Variants in PTK2 observed in about 807,000 individuals in gnomAD.
The protein encoded by PTK2 is protein tyrosine kinase 2, also known as focal adhesion kinase 1.
A neutral mutation model predicts 150.1 loss-of-function variants in PTK2; 45 were observed. The observed-to-expected ratio is 0.30, with a 90% CI of 0.24 to 0.38. The LOEUF (loss-of-function observed/expected upper bound fraction) is 0.38, where lower values mean the gene tolerates loss of function less well. Among genes scored for constraint, PTK2 ranks in the 10% least tolerant of loss-of-function variants. The pLI, the probability that PTK2 is intolerant of heterozygous loss-of-function variation, is 1.00. For synonymous variants in PTK2, 432 were observed against 449.2 expected, an observed-to-expected ratio of 0.96 and a Z score of 0.48; for missense variants, 919 against 1,307.3, an observed-to-expected ratio of 0.70 and a Z score of 4.58.
At chr8:140,987,329 C>T (rs929119590) in intron 1 of PTK2, among the ~76,000 whole-genome samples, 2 of 152,070 alleles carry the variant, frequency 1.3e-5, no homozygotes, top group South Asian at 2.1e-4. Context: ...TACAAGCGTC[C>T]GCCACCATGC....
At position 140,891,582 on chromosome 8, in the gene PTK2, T is replaced by C. The variant is rs761352325; in HGVS notation, c.-32-813A>G. Among the ~76,000 whole-genome samples, 8 of 152,172 alleles carry C rather than the reference T, an allele frequency of 5.3e-5. No homozygotes were observed. In the South Asian group the frequency reaches 6.2e-4, roughly 12 times the overall value. On this transcript the variant is annotated intron_variant, in intron 2 of 31. Coordinates refer to ENST00000522684, the Ensembl canonical transcript of PTK2. ...CAGGGCATTTGCCAATTCTGAGCCC[T>C]TCAGAGCCTGAAGAGACAAGAAAAG...
intron 23 of PTK2, among the ~76,000 whole-genome samples, chr8:140,708,996 T>C (rs898773104): frequency 2.6e-5 from 4 of 151,974 alleles, no homozygotes; most frequent in Non-Finnish European, 5.9e-5. Flanking sequence ...TACAATTTAC[T>C]GTGTATTCTG....
chr8:140,914,184 G>A (rs143121849), intron 2 of PTK2, among the ~76,000 whole-genome samples: 2 of 152,028 alleles, frequency 1.3e-5, no homozygotes, highest in Non-Finnish European at 2.9e-5. Context: ...ACGAATCAAT[G>A]ACATTATAAA....
chr8:140,890,296 A>G (rs752030150), intron 3 of PTK2: 65 of 405,600 alleles, frequency 1.6e-4, no homozygotes, highest in Middle Eastern at 1.3e-3. Context: ...GAAGGGAAAA[A>G]TAAGTCAATG....
chr8:140,935,272 G>A (rs1456122344), intron 1 of PTK2, among the ~76,000 whole-genome samples: 2 of 151,974 alleles, frequency 1.3e-5, no homozygotes, highest in Admixed American at 6.6e-5. Flanking sequence ...GAGCTACTGT[G>A]GAAAAGAAAA....
At chr8:140,731,569 CA>C (rs1165687013) in intron 22 of PTK2, among the ~76,000 whole-genome samples, 1 of 151,994 alleles carries the variant, frequency 6.6e-6, no homozygotes, top group African/African-American at 2.4e-5. Flanking sequence ...TGTTCCATAC[CA>C]AAAATCACTT....
intron 22 of PTK2, among the ~76,000 whole-genome samples, chr8:140,720,776 C>A (rs904918156): frequency 6.6e-6 from 1 of 152,108 alleles, no homozygotes; most frequent in East Asian, 1.9e-4. Context: ...GTTTTTGGGG[C>A]GGAGTCTTGC....
At chr8:140,863,341 C>G (rs534709003) in intron 5 of PTK2, among the ~76,000 whole-genome samples, 107 of 152,222 alleles carry the variant, frequency 7.0e-4, no homozygotes, top group African/African-American at 2.4e-3. Context: ...TTCAATCTAT[C>G]CCTGATACTG....
At chr8:140,870,857 G>GT (rs1204263541) in intron 4 of PTK2, among the ~76,000 whole-genome samples, 1 of 152,044 alleles carries the variant, frequency 6.6e-6, no homozygotes, top group Non-Finnish European at 1.5e-5. Context: ...AACAACTTTT[G>GT]GTTATATTTT....
chr8:140,750,636 G>A (rs1298952050), intron 17 of PTK2, among the ~76,000 whole-genome samples: 1 of 152,174 alleles, frequency 6.6e-6, no homozygotes, highest in South Asian at 2.1e-4. Context: ...GAACATCACC[G>A]CTTGAGGGCA....
At chr8:140,922,567 G>A (rs992050547) in intron 2 of PTK2, among the ~76,000 whole-genome samples, 3 of 152,086 alleles carry the variant, frequency 2.0e-5, no homozygotes, top group African/African-American at 7.2e-5. Flanking sequence ...CTGAGCCATC[G>A]ACTAATGGAC....
intron 1 of PTK2, among the ~76,000 whole-genome samples, chr8:140,946,474 G>C (rs1266058558): frequency 2.0e-5 from 3 of 152,152 alleles, no homozygotes; most frequent in Non-Finnish European, 2.9e-5. Context: ...TTCTAAAATT[G>C]ATGGAGCAAT....
chr8:140,764,121 C>T, intron 15 of PTK2, 113 bp downstream of exon 17: 1 of 867,288 alleles, frequency 1.2e-6, no homozygotes, highest in South Asian at 1.3e-5. Context: ...TTCTGTTCAG[C>T]ATCCAAGGAA....
At chr8:140,936,529 T>C (rs2100173692) in intron 1 of PTK2, among the ~76,000 whole-genome samples, 1 of 151,840 alleles carries the variant, frequency 6.6e-6, no homozygotes, top group South Asian at 2.1e-4. Flanking sequence ...ACCCGACCAA[T>C]GCTGTTGTTA....
intron 17 of PTK2, 24 bp downstream of exon 20, chr8:140,752,208 C>T: frequency 6.3e-7 from 1 of 1,578,422 alleles, no homozygotes; most frequent in South Asian, 1.1e-5. Flanking sequence ...AAATGGAGTT[C>T]CACAGAAATT....
chr8:140,664,583 A>G (rs1344767189), intron 31 of PTK2, among the ~76,000 whole-genome samples: 1 of 152,222 alleles, frequency 6.6e-6, no homozygotes, highest in Non-Finnish European at 1.5e-5. Flanking sequence ...TCATGGCACC[A>G]GCAGCAGTTT....
At chr8:140,941,285 C>A (rs1258726156) in intron 1 of PTK2, among the ~76,000 whole-genome samples, 1 of 152,120 alleles carries the variant, frequency 6.6e-6, no homozygotes, top group African/African-American at 2.4e-5. Context: ...CTCCTGTTCC[C>A]AAACACCAAA....
At chr8:140,787,406 C>CT (rs1327307822) in intron 14 of PTK2, among the ~76,000 whole-genome samples, 1 of 152,154 alleles carries the variant, frequency 6.6e-6, no homozygotes, top group African/African-American at 2.4e-5. Context: ...GAACATAGAA[C>CT]TTAAACCTGA....
intron 1 of PTK2, among the ~76,000 whole-genome samples, chr8:140,994,455 C>CA (rs766987450): frequency 6.6e-6 from 1 of 152,208 alleles, no homozygotes; most frequent in Non-Finnish European, 1.5e-5. Context: ...TGGTAATTCT[C>CA]ACAATATTTC....
Sources: gnomAD v4.1 joint callset for allele counts (sites outside exome capture counted in the v4.1 genomes callset) on GRCh38, gnomAD v4.1.1 for gene constraint, MANE v1.5 for transcripts, NCBI Gene and HGNC (gene_info 2026-07-23, HGNC 2026-07-21) for gene names.